Variants in RNF10 observed in about 807,000 individuals in gnomAD.
RNF10 encodes the protein ring finger protein 10.
RNF10 carries 38 observed loss-of-function variants against 91.4 expected under a neutral mutation model. That is an observed-to-expected ratio of 0.42 (90% CI 0.32 to 0.54). The LOEUF is 0.54. Among genes scored for constraint, RNF10 ranks in the 20% least tolerant of loss-of-function variants. RNF10 has a pLI of 0.16. For missense variants in RNF10, 945 were observed against 1,012.0 expected (o/e 0.93, Z 0.90); for synonymous variants, 364 against 366.3 (o/e 0.99, Z 0.07).
intron 7 of RNF10, among the ~76,000 whole-genome samples, 184 bp downstream of exon 7, chr12:120,561,070 G>T (rs547703411): frequency 2.0e-5 from 3 of 152,082 alleles, no homozygotes; most frequent in Non-Finnish European, 4.4e-5. Context: ...TTTGTTTTGG[G>T]CTTTGTTTGA....
chr12:120,576,048 C>G, intron 16 of RNF10, 98 bp downstream of exon 16: 1 of 1,261,366 alleles, frequency 7.9e-7, no homozygotes, highest in Non-Finnish European at 1.1e-6. Flanking sequence ...TAATTAGGCT[C>G]TTTCCCTTCT....
intron 1 of RNF10, among the ~76,000 whole-genome samples, chr12:120,542,579 G>A (rs1354744733): frequency 6.6e-6 from 1 of 152,156 alleles, no homozygotes; most frequent in Non-Finnish European, 1.5e-5. Flanking sequence ...TTGAGACAGA[G>A]TCTCACTCTG....
chr12:120,564,153 C>T (rs76183013), intron 10 of RNF10, among the ~76,000 whole-genome samples: 1 of 152,116 alleles, frequency 6.6e-6, no homozygotes, highest in Admixed American at 6.6e-5. Context: ...ATGCTGTTCC[C>T]TGCTTCTCTG....
chr12:120,551,872 GAA>G (rs961059201), intron 2 of RNF10, among the ~76,000 whole-genome samples: 1 of 152,060 alleles, frequency 6.6e-6, no homozygotes, highest in African/African-American at 2.4e-5. Context: ...GGTAATTTAT[GAA>G]AAAGAGTGGC....
intron 4 of RNF10, among the ~76,000 whole-genome samples, chr12:120,556,923 C>T (rs375164698): frequency 2.0e-5 from 3 of 151,702 alleles, no homozygotes; most frequent in Admixed American, 6.6e-5. Context: ...GAGGCCGAGG[C>T]GGGCGGATCA....
intron 4 of RNF10, among the ~76,000 whole-genome samples, chr12:120,555,213 ACT>A (rs1873795862): frequency 6.6e-6 from 1 of 152,028 alleles, no homozygotes; most frequent in African/African-American, 2.4e-5. Flanking sequence ...AAAGAGTCTC[ACT>A]CTGTTGCCCA....
chr12:120,540,790 C>CT (rs1257937381), intron 1 of RNF10, among the ~76,000 whole-genome samples: 1 of 151,728 alleles, frequency 6.6e-6, no homozygotes, highest in Non-Finnish European at 1.5e-5. Context: ...AAACTGTTTC[C>CT]TTGCCAGTGT....
intron 13 of RNF10, chr12:120,570,307 C>A (rs994037866): frequency 1.3e-5 from 2 of 151,938 alleles, no homozygotes; most frequent in African/African-American, 4.8e-5. Context: ...CTGCCTCAGC[C>A]TCCCAAGTAG....
intron 13 of RNF10, among the ~76,000 whole-genome samples, chr12:120,569,672 G>A (rs1876322510): frequency 6.6e-6 from 1 of 151,606 alleles, no homozygotes; most frequent in Non-Finnish European, 1.5e-5. Context: ...CCGAGTAGCT[G>A]GGATTACAGG....
chr12:120,534,551 G>T lies in RNF10; in HGVS notation c.-261G>T. 1.6e-6 allele frequency: 1 copy of T among 629,256 alleles called. No homozygotes were observed. Among genetic ancestry groups the T allele is most frequent in the Non-Finnish European group, 2.2e-6 (1 of 449,394 alleles). The allele number at this position is 629,256 out of a possible 1,614,324, so 39.0% of individuals were successfully genotyped here. On this transcript the variant is annotated 5_prime_UTR_variant, in exon 1 of 17. Coordinates refer to ENST00000325954, the MANE Select transcript of RNF10 (RefSeq NM_014868.5). ...CTCCCTCGCCTCCCCTTCCCCCGCA[G>T]CCTCCGCCCCGCCAGGCCCGGCCCG...
In RNF10 at chr12:120,546,554, A is replaced by G. The variant is rs1456989711; in HGVS notation, c.307A>G (p.Ser103Gly). 3.7e-6 allele frequency: 6 copies of G among 1,614,028 alleles called. No homozygotes were observed. In the Admixed American group the frequency reaches 6.7e-5, roughly 18 times the overall value. The change falls in exon 2 of 17, where the codon AGC (serine) becomes GGC (glycine). Residue 103 changes from serine to glycine, a missense_variant. Coordinates refer to ENST00000325954, the MANE Select transcript of RNF10 (RefSeq NM_014868.5). ...NKMPPQRGGG[S>G]SKLFSSSFNG... ...GATGCCTCCTCAAAGGGGCGGCGGCAGCAGCAAACTCTTTAGCTCTTCTTT... is the reference window on the plus strand; with the variant it reads ...GATGCCTCCTCAAAGGGGCGGCGGCGGCAGCAAACTCTTTAGCTCTTCTTT...
At position 120,542,205 on chromosome 12, in the gene RNF10, G is replaced by T. The variant is rs367607538; in HGVS notation, c.158-4200G>T. 3.9e-5 allele frequency among the ~76,000 whole-genome samples: 6 copies of T among 152,296 alleles called. No homozygotes were observed. The South Asian group carries it at 1.2e-3, about 32-fold the overall frequency. On this transcript the variant is annotated intron_variant, in intron 1 of 16. Coordinates refer to ENST00000325954, the MANE Select transcript of RNF10 (RefSeq NM_014868.5). ...AGACAGAGGCTCACTCTGTAGCCCA[G>T]GGTGGAGAGCAGTGGTGCCATCATA...
At chr12:120,571,106 C>T (rs1194556317) in intron 13 of RNF10, 85 bp from the exon 14 acceptor site, 1 of 808,778 alleles carries the variant, frequency 1.2e-6, no homozygotes. Context: ...ATTTTCCAGA[C>T]CTGACTCAGG....
At chr12:120,553,113 T>C in intron 3 of RNF10, among the ~76,000 whole-genome samples, 3 of 116,024 alleles carry the variant, frequency 2.6e-5, no homozygotes, top group African/African-American at 6.7e-5. Flanking sequence ...AGATGTAGTC[T>C]CGCTCTGCCA....
chr12:120,546,059 A>G (rs1035270759), intron 1 of RNF10, among the ~76,000 whole-genome samples: 1 of 152,258 alleles, frequency 6.6e-6, no homozygotes, highest in African/African-American at 2.4e-5. Context: ...CTTTTCCTTA[A>G]TACAGAATGC....
At chr12:120,536,144 G>A (rs986156483) in intron 1 of RNF10, among the ~76,000 whole-genome samples, 1 of 152,124 alleles carries the variant, frequency 6.6e-6, no homozygotes, top group African/African-American at 2.4e-5. Context: ...GAGTGAGACC[G>A]GGCGCGGTGG....
chr12:120,534,382 C>T lies in RNF10; in HGVS notation c.-430C>T, dbSNP rs1870399104. On this transcript the variant is annotated 5_prime_UTR_variant, in exon 1 of 17. Coordinates refer to ENST00000325954, the MANE Select transcript of RNF10 (RefSeq NM_014868.5). The stretch of plus-strand genomic sequence containing the variant: ...CTGTTTGGCGACTCGTCGCCATTCC[C>T]GGAGCAGGTCGGCCTCGGCCCAGGG... 5.9e-6 allele frequency: 1 copy of T among 168,982 alleles called. No homozygotes were observed. The highest frequency in any genetic ancestry group is 1.3e-5 in the Non-Finnish European group (1 of 79,852). The allele number at this position is 168,982 out of a possible 1,614,324, so 10.5% of individuals were successfully genotyped here.
intron 6 of RNF10, among the ~76,000 whole-genome samples, chr12:120,559,983 C>A (rs556750137): frequency 1.3e-5 from 2 of 151,884 alleles, no homozygotes; most frequent in Non-Finnish European, 2.9e-5. Flanking sequence ...GCCACCACAC[C>A]CAGCTGGCTT....
intron 1 of RNF10, among the ~76,000 whole-genome samples, chr12:120,544,069 A>G (rs1871945166): frequency 6.6e-6 from 1 of 151,774 alleles, no homozygotes; most frequent in Admixed American, 6.6e-5. Flanking sequence ...CTCTACTAAA[A>G]ATACAGAATT....
Sources: gnomAD v4.1 joint callset for allele counts (sites outside exome capture counted in the v4.1 genomes callset) on GRCh38, gnomAD v4.1.1 for gene constraint, MANE v1.5 for transcripts, NCBI Gene and HGNC (gene_info 2026-07-23, HGNC 2026-07-21) for gene names.